The following BCL9L variants were observed in gnomAD, a reference collection of about 807,000 sequenced individuals.
The protein encoded by BCL9L is BCL9 like, also known as B-cell CLL/lymphoma 9-like protein.
BCL9L carries 19 observed loss-of-function variants against 99.4 expected under a neutral mutation model. The observed-to-expected ratio is 0.19, with a 90% CI of 0.13 to 0.28. The LOEUF (loss-of-function observed/expected upper bound fraction) is 0.28. Ranked by LOEUF, BCL9L falls within the 10% of genes least tolerant of loss-of-function variation. BCL9L has a pLI of 1.00. For missense variants in BCL9L, 2,023 were observed against 2,101.6 expected (o/e 0.96, Z 0.73); for synonymous variants, 900 against 854.8 (o/e 1.05, Z -0.92).
chr11:118,901,325 C>G lies in BCL9L; in HGVS notation c.2418G>C (p.Leu806Phe). 1.2e-6 allele frequency: 2 copies of G among 1,613,644 alleles called. No individual in the cohort carries two copies. The highest frequency in any genetic ancestry group is 2.7e-5 in the African/African-American group (2 of 75,016). Residue 806 changes from leucine to phenylalanine, a missense_variant, in exon 8 of 10, where the codon TTG (leucine) becomes TTC (phenylalanine). Leu to Phe is a conservative substitution (Grantham distance 22). This residue lies in a region of BCL9L where 1,116 missense variants were observed against 1,194.6 expected (regional missense o/e 0.93). Transcript: ENST00000683865. The surrounding 1 kb of genome is among the most constrained non-coding windows in gnomAD (Gnocchi z 6.6). ...MSQKMRGPGDLMGPQGLSPEE... is the reference protein window; with the variant it reads ...MSQKMRGPGDFMGPQGLSPEE... The stretch of plus-strand genomic sequence containing the variant: ...CAGGACTGAGGCCCTGGGGCCCCAT[C>G]AAGTCCCCAGGGCCCCGCATCTTCT...
At chr11:118,918,607 G>T (rs1050442467) in intron 2 of BCL9L, among the ~76,000 whole-genome samples, 2 of 151,972 alleles carry the variant, frequency 1.3e-5, no homozygotes, top group Non-Finnish European at 2.9e-5. Context: ...ACCTGACTGG[G>T]TCTAGGGTTC....
rs1008623233 is a variant in BCL9L, at chr11:118,900,566, A to C, written c.3124+53T>G. On this transcript the variant is annotated intron_variant, in intron 8 of 9. Transcript: ENST00000683865. This position sits in a 1 kb window ranked among gnomAD's most constrained non-coding sequence, Gnocchi z 5.3. Reference sequence around the variant, plus strand: ...CACTGCCCAGCCCCAGCATGGACACACTGCTCAGCGCCTGCCTGCCTGCCT... The same window carrying C: ...CACTGCCCAGCCCCAGCATGGACACCCTGCTCAGCGCCTGCCTGCCTGCCT... 1 of 1,546,504 alleles carries C rather than the reference A, an allele frequency of 6.5e-7. No individual in the cohort carries two copies. The highest frequency in any genetic ancestry group is 8.7e-7 in the Non-Finnish European group (1 of 1,149,566).
chr11:118,907,832 T>C (rs144866134), intron 4 of BCL9L, among the ~76,000 whole-genome samples: 3 of 152,174 alleles, frequency 2.0e-5, no homozygotes, highest in Admixed American at 6.5e-5. Flanking sequence ...AAGTACAGCA[T>C]AATCCCCAAC....
rs1565618624 is a variant in BCL9L, at chr11:118,902,573, C to T, written c.1170G>A (p.Gln390=). 5 of 1,600,962 alleles carry T rather than the reference C, an allele frequency of 3.1e-6. No individual in the cohort carries two copies. The highest frequency in any genetic ancestry group is 1.3e-5 in the African/African-American group (1 of 74,932). The change falls in exon 8 of 10, where the codon CAG becomes CAA. Residue 390 remains glutamine (Q), a synonymous_variant. Coordinates refer to ENST00000683865, the MANE Select transcript of BCL9L (RefSeq NM_001378213.1). This position sits in a 1 kb window ranked among gnomAD's most constrained non-coding sequence, Gnocchi z 7.8. The stretch of plus-strand genomic sequence containing the variant: ...AGCCCTCTGAGCCCACCAGGCTGCG[C>T]TGCCCATTTCCAGGGGCGGCTGCCT... ...LGEAAAPGNG[Q]RSLVGSEGLS...
chr11:118,918,476 G>A (rs1001023248), intron 2 of BCL9L, among the ~76,000 whole-genome samples: 7 of 152,024 alleles, frequency 4.6e-5, no homozygotes, highest in African/African-American at 1.7e-4. Context: ...GGGCGATTGG[G>A]CGGAATCTCC....
Position 118,899,266 on chromosome 11 carries a change from C to A in BCL9L, c.3649G>T (p.Gly1217Cys). 3 of 1,528,500 alleles carry A rather than the reference C, an allele frequency of 2.0e-6. No individual in the cohort carries two copies. Among genetic ancestry groups the A allele is most frequent in the Non-Finnish European group, 2.6e-6 (3 of 1,138,832 alleles). The allele number at this position is 1,528,500 out of a possible 1,614,324, so 94.7% of individuals were successfully genotyped here. A position where few individuals can be genotyped will look rare whatever the true frequency, so the allele number is the denominator to read the frequency against. The change falls in exon 10 of 10, where the codon GGC (glycine) becomes TGC (cysteine). Residue 1217 changes from glycine to cysteine, a missense_variant. Gly to Cys is a radical substitution (Grantham distance 159, BLOSUM62 -3). This residue lies in a region of BCL9L where 902 missense variants were observed against 888.2 expected (regional missense o/e 1.02). Coordinates refer to ENST00000683865, the MANE Select transcript of BCL9L (RefSeq NM_001378213.1). ...ATCTGGGAGGAGCTGGGCACTGGGC[C>A]ACAGGGGGCATTCAGGGAGTCGGGG... ...GGPDSLNAPC[G>C]PVPSSSQMMP...
chr11:118,902,492 A>T lies in BCL9L; in HGVS notation c.1251T>A (p.Ile417=). 1 of 1,609,366 alleles carries T rather than the reference A, an allele frequency of 6.2e-7. No homozygotes were observed. The highest frequency in any genetic ancestry group is 8.5e-7 in the Non-Finnish European group (1 of 1,179,560). Reference sequence around the variant, plus strand: ...CTCCGCTGCGGAGCAGCAGTCGCTCAATGTCTCGCAGCGTCTGGAGGGACC... The same window carrying T: ...CTCCGCTGCGGAGCAGCAGTCGCTCTATGTCTCGCAGCGTCTGGAGGGACC... ...RERSLQTLRD[I]ERLLLRSGET... Residue 417 remains isoleucine, a synonymous_variant, in exon 8 of 10, where the codon ATT becomes ATA. Coordinates refer to ENST00000683865, the MANE Select transcript of BCL9L (RefSeq NM_001378213.1). The surrounding 1 kb of genome is among the most constrained non-coding windows in gnomAD (Gnocchi z 7.8).
intron 2 of BCL9L, 117 bp from the exon 3 acceptor site, chr11:118,910,132 G>A: frequency 2.9e-6 from 2 of 700,186 alleles, no homozygotes; most frequent in Non-Finnish European, 4.8e-6. Context: ...GGGTGGGGTG[G>A]CACTGGAAAA....
At position 118,901,443 on chromosome 11, in the gene BCL9L, G is replaced by C. The variant is rs1260510775; in HGVS notation, c.2300C>G (p.Pro767Arg). 6.2e-7 allele frequency: 1 copy of C among 1,614,088 alleles called. No individual in the cohort carries two copies. Among genetic ancestry groups the C allele is most frequent in the Admixed American group, 1.7e-5 (1 of 60,020 alleles). Residue 767 changes from proline (P) to arginine (R), a missense_variant, in exon 8 of 10, where the codon CCA (proline) becomes CGA (arginine). Physicochemically the swap from Pro to Arg is moderately radical, Grantham distance 103. Around this residue, in one of 3 missense-constraint regions of BCL9L, gnomAD observed 1,116 missense variants for 1,194.6 expected, o/e 0.93. Transcript: ENST00000683865. The surrounding 1 kb of genome is among the most constrained non-coding windows in gnomAD (Gnocchi z 6.6). ...ATTCATGTTCATGTTGAGGTTGCCT[G>C]GCCCCATGGGTGGGTCCACCTCCCT... ...GLREVDPPMG[P>R]GNLNMNMNVN...
Position 118,901,711 on chromosome 11 carries a change from G to A in BCL9L, c.2032C>T (p.Leu678=). The A allele has an allele frequency of 6.2e-7, 1 of 1,613,648 alleles. No homozygotes were observed. Among genetic ancestry groups the A allele is most frequent in the Admixed American group, 1.7e-5 (1 of 60,024 alleles). ...RFMTPRVREE[L]LRHQLLEKRS... ...TTCTCCAGCAGCTGGTGCCGCAGCAGCTCCTCACGGACCCGGGGAGTCATG... is the reference window on the plus strand; with the variant it reads ...TTCTCCAGCAGCTGGTGCCGCAGCAACTCCTCACGGACCCGGGGAGTCATG... The change falls in exon 8 of 10, where the codon CTG becomes TTG. Residue 678 remains leucine (L), a synonymous_variant. Transcript: ENST00000683865. This position sits in a 1 kb window ranked among gnomAD's most constrained non-coding sequence, Gnocchi z 6.6.
At chr11:118,912,564 G>C (rs544300273) in intron 2 of BCL9L, among the ~76,000 whole-genome samples, 3 of 152,178 alleles carry the variant, frequency 2.0e-5, no homozygotes, top group Admixed American at 2.0e-4. Context: ...ATCCTAGCTG[G>C]GGGAGGGAGC....
At chr11:118,919,532 G>A (rs1311991981) in intron 1 of BCL9L, among the ~76,000 whole-genome samples, 1 of 152,002 alleles carries the variant, frequency 6.6e-6, no homozygotes, top group African/African-American at 2.4e-5. Context: ...GCTGGTGGCT[G>A]GGCTCAGTTT....
At chr11:118,923,366 C>A (rs936391530) in intron 1 of BCL9L, among the ~76,000 whole-genome samples, 5 of 152,164 alleles carry the variant, frequency 3.3e-5, no homozygotes, top group African/African-American at 1.2e-4. Flanking sequence ...CTAGGGCTCC[C>A]GCTTAACCCA....
At chr11:118,909,883 A>T (rs1178411418) in intron 3 of BCL9L, 31 bp downstream of exon 3, 1 of 1,613,242 alleles carries the variant, frequency 6.2e-7, no homozygotes, top group Admixed American at 1.7e-5. Context: ...CTCCACACAC[A>T]CACATCCCAC....
chr11:118,920,494 C>T (rs1174528875), intron 1 of BCL9L, among the ~76,000 whole-genome samples: 1 of 152,140 alleles, frequency 6.6e-6, no homozygotes, highest in African/African-American at 2.4e-5. Context: ...AGCTATTTGA[C>T]CCTAGCTGGA....
At position 118,908,754 on chromosome 11, in the gene BCL9L, A is replaced by T; in HGVS notation, c.27-99T>A. The T allele has an allele frequency of 1.0e-4, 93 of 902,158 alleles. No individual in the cohort carries two copies. The Middle Eastern group carries it at 1.1e-3, about 11-fold the overall frequency. The allele number at this position is 902,158 out of a possible 1,614,324, so 55.9% of individuals were successfully genotyped here. A position where few individuals can be genotyped will look rare whatever the true frequency, so the allele number is the denominator to read the frequency against. ...ATCCTGCCTCCCCTAACAATGGGGG[A>T]GGGTGGGGGGAAGGGGTGGTATCTC... On this transcript the variant is annotated intron_variant, in intron 3 of 9. Coordinates refer to ENST00000683865, the MANE Select transcript of BCL9L (RefSeq NM_001378213.1).
chr11:118,909,518 A>G (rs1339893341), intron 3 of BCL9L, among the ~76,000 whole-genome samples: 3 of 151,922 alleles, frequency 2.0e-5, no homozygotes, highest in Non-Finnish European at 2.9e-5. Context: ...TTCTCCGGGG[A>G]GGGGGGAGGG....
At chr11:118,908,119 G>C in intron 4 of BCL9L, 151 bp downstream of exon 4, 1 of 1,127,612 alleles carries the variant, frequency 8.9e-7, no homozygotes, top group Non-Finnish European at 1.2e-6. Flanking sequence ...TGATCTGGTT[G>C]GTGGGTGTTG....
At position 118,903,398 on chromosome 11, in the gene BCL9L, G is replaced by T; in HGVS notation, c.587C>A (p.Thr196Asn). ...GCTCTCGCTGAGGGGCAGTTGGGTG[G>T]TTTGGCCGGGACCCAGCTGTGGGGC... Reference protein sequence around the residue: ...MAAPQLGPGQTTQLPLSESSV... With the variant: ...MAAPQLGPGQNTQLPLSESSV... Residue 196 changes from threonine (T) to asparagine (N), a missense_variant, in exon 6 of 10, where the codon ACC becomes AAC. Physicochemically the swap from Thr to Asn is moderately conservative, Grantham distance 65. Transcript: ENST00000683865. This position sits in a 1 kb window ranked among gnomAD's most constrained non-coding sequence, Gnocchi z 5.6. 6.2e-7 allele frequency: 1 copy of T among 1,612,410 alleles called. No individual in the cohort carries two copies. The highest frequency in any genetic ancestry group is 1.1e-5 in the South Asian group (1 of 90,910).
Sources: gnomAD v4.1 joint callset for allele counts (sites outside exome capture counted in the v4.1 genomes callset) on GRCh38, gnomAD v4.1.1 for gene constraint, gnomAD v4.1.1 regional missense constraint, Gnocchi (gnomAD v3.1) non-coding constraint, MANE v1.5 for transcripts, NCBI Gene and HGNC (gene_info 2026-07-23, HGNC 2026-07-21) for gene names.